PRPSAP1: variants seen among roughly 807,000 people sequenced by gnomAD.
PRPSAP1 encodes phosphoribosyl pyrophosphate synthetase associated protein 1.
In PRPSAP1, 31 loss-of-function variants were observed where a neutral mutation model predicts 39.4. That is an observed-to-expected ratio of 0.79 (90% CI 0.59 to 1.06). PRPSAP1 has a LOEUF of 1.06. Among genes scored for constraint, PRPSAP1 ranks in the 50% least tolerant of loss-of-function variants. PRPSAP1 has a pLI of 0.00. For missense variants in PRPSAP1, 430 were observed against 511.6 expected (o/e 0.84, Z 1.54); for synonymous variants, 212 against 192.6 (o/e 1.10, Z -0.83).
At chr17:76,343,362 G>A (rs2071460616) in intron 3 of PRPSAP1, among the ~76,000 whole-genome samples, 1 of 152,240 alleles carries the variant, frequency 6.6e-6, no homozygotes, top group Non-Finnish European at 1.5e-5. Context: ...CTGAAACAGA[G>A]ATAGGCTAGA....
At chr17:76,352,888 T>C (rs1047300053) in intron 1 of PRPSAP1, among the ~76,000 whole-genome samples, 3 of 152,110 alleles carry the variant, frequency 2.0e-5, no homozygotes, top group African/African-American at 7.2e-5. Flanking sequence ...ATCTCAGAGC[T>C]GTCAGACCCC....
intron 7 of PRPSAP1, among the ~76,000 whole-genome samples, chr17:76,319,695 C>T (rs570260815): frequency 4.6e-5 from 7 of 151,572 alleles, no homozygotes; most frequent in South Asian, 2.1e-4. Context: ...CCTCGTGATT[C>T]GCCCTCCTTG....
chr17:76,349,284 AC>A (rs1347664341), intron 1 of PRPSAP1, among the ~76,000 whole-genome samples: 1 of 151,878 alleles, frequency 6.6e-6, no homozygotes, highest in Admixed American at 6.6e-5. Context: ...CGCCTGGGTA[AC>A]AAGAGCAAAA....
chr17:76,345,799 C>T (rs1030120667), intron 2 of PRPSAP1: 5 of 334,908 alleles, frequency 1.5e-5, no homozygotes, highest in South Asian at 2.5e-5. Flanking sequence ...CACTGCATCC[C>T]GCTCCCAGTG....
At position 76,353,736 on chromosome 17, in the gene PRPSAP1, C is replaced by A; in HGVS notation, c.-33G>T. 1 of 1,430,584 alleles carries A rather than the reference C, an allele frequency of 7.0e-7. No individual in the cohort carries two copies. The allele number at this position is 1,430,584 out of a possible 1,614,324, so 88.6% of individuals were successfully genotyped here. ...CCCGCGGCGCGGTTACGACCGGCCCCGCGCGGGGCTGCACTCTGAGTGCTT... is the reference window on the plus strand; with the variant it reads ...CCCGCGGCGCGGTTACGACCGGCCCAGCGCGGGGCTGCACTCTGAGTGCTT... On this transcript the variant is annotated 5_prime_UTR_variant, in exon 1 of 10. Transcript: ENST00000446526.
At chr17:76,344,616 C>A (rs1430638828) in intron 3 of PRPSAP1, 55 bp downstream of exon 3, 5 of 1,321,198 alleles carry the variant, frequency 3.8e-6, no homozygotes, top group Non-Finnish European at 5.3e-6. Flanking sequence ...AAAAGATAAT[C>A]AATTATATTG....
chr17:76,330,287 G>A, intron 5 of PRPSAP1, 189 bp from the exon 6 acceptor site: 1 of 585,664 alleles, frequency 1.7e-6, no homozygotes. Flanking sequence ...CCTACGTCAA[G>A]AATTTTTTAA....
At chr17:76,320,759 GC>G (rs1381695337) in intron 7 of PRPSAP1, among the ~76,000 whole-genome samples, 14 of 149,988 alleles carry the variant, frequency 9.3e-5, no homozygotes, top group Non-Finnish European at 1.0e-4. Context: ...CCTGTGTCAA[GC>G]AAGTCTATGG....
chr17:76,342,932 T>G (rs1425922071), intron 3 of PRPSAP1, among the ~76,000 whole-genome samples: 1 of 151,468 alleles, frequency 6.6e-6, no homozygotes, highest in Non-Finnish European at 1.5e-5. Flanking sequence ...ACAAAAAAAT[T>G]ACCCGGGCAT....
chr17:76,345,272 G>T (rs1408525729), intron 2 of PRPSAP1, among the ~76,000 whole-genome samples: 1 of 122,056 alleles, frequency 8.2e-6, no homozygotes. Flanking sequence ...TTCGAGACCA[G>T]CCCGGCCAAT....
chr17:76,314,380 C>A (rs1348689829), intron 7 of PRPSAP1: 2 of 170,242 alleles, frequency 1.2e-5, no homozygotes, highest in Non-Finnish European at 2.5e-5. Flanking sequence ...CCACACCCAG[C>A]TGAGTTTTGT....
At position 76,348,544 on chromosome 17, in the gene PRPSAP1, G is replaced by A. The variant is rs752855446; in HGVS notation, c.208C>T (p.Gln70Ter). 3.3e-6 allele frequency: 5 copies of A among 1,504,870 alleles called. No individual in the cohort carries two copies. In the African/African-American group the frequency reaches 7.3e-5, roughly 22 times the overall value. 93.2% of individuals were successfully genotyped at this position (1,504,870 alleles called of 1,614,324 possible). ...TTTAACTTACCTCCATTGGTCTCTT[G>A]ATATACAACAGACTTCCCCAATTCA... is the stretch of plus-strand genomic sequence containing the variant. The part of the protein sequence containing the change: ...GAELGKSVVY[Q>*]ETNGETRVEI... The change falls in exon 2 of 10, where the codon CAA (glutamine) becomes TAA (stop). Residue 70 changes from glutamine (Q) to a stop codon, truncating the protein, a stop_gained. Transcript: ENST00000446526. LOFTEE classifies it high-confidence loss of function.
intron 1 of PRPSAP1, among the ~76,000 whole-genome samples, chr17:76,349,944 G>A (rs2071549649): frequency 6.6e-6 from 1 of 151,840 alleles, no homozygotes; most frequent in African/African-American, 2.4e-5. Context: ...AAATTAGCTG[G>A]GTGTGGTGGT....
At chr17:76,346,579 A>G (rs1402515641) in intron 2 of PRPSAP1, among the ~76,000 whole-genome samples, 3 of 152,146 alleles carry the variant, frequency 2.0e-5, no homozygotes, top group Non-Finnish European at 4.4e-5. Context: ...CCCTCAAAAG[A>G]GCAGTAGTTC....
In PRPSAP1 at chr17:76,311,535, G is replaced by C. The variant is rs369499551; in HGVS notation, c.*7C>G. 2 of 1,612,878 alleles carry C rather than the reference G, an allele frequency of 1.2e-6. No individual in the cohort carries two copies. The highest frequency in any genetic ancestry group is 1.7e-6 in the Non-Finnish European group (2 of 1,179,430). On this transcript the variant is annotated 3_prime_UTR_variant, in exon 10 of 10. Coordinates refer to ENST00000446526, the MANE Select transcript of PRPSAP1 (RefSeq NM_002766.3). ...CAGGAGGTCCAGGGTCGAGACCCTC[G>C]TGAAAGCTAGTCATCCACAGTGATG... is the stretch of plus-strand genomic sequence containing the variant.
At chr17:76,340,335 G>A (rs2071422462) in intron 3 of PRPSAP1, among the ~76,000 whole-genome samples, 1 of 151,576 alleles carries the variant, frequency 6.6e-6, no homozygotes, top group East Asian at 1.9e-4. Flanking sequence ...AACGGTAAGT[G>A]TTTCCCAATT....
chr17:76,313,205 T>G (rs924175262), intron 8 of PRPSAP1, 189 bp from the exon 9 acceptor site: 3 of 614,584 alleles, frequency 4.9e-6, no homozygotes, highest in Non-Finnish European at 7.7e-6. Flanking sequence ...GTACCTTGTG[T>G]GTCTGTCAGA....
intron 7 of PRPSAP1, among the ~76,000 whole-genome samples, chr17:76,323,740 C>T (rs575365927): frequency 2.6e-5 from 4 of 151,350 alleles, no homozygotes; most frequent in African/African-American, 4.9e-5. Context: ...GATGAATCTA[C>T]TGCTGAAGAT....
intron 5 of PRPSAP1, 197 bp downstream of exon 5, chr17:76,330,353 TA>T: frequency 1.7e-6 from 1 of 600,258 alleles, no homozygotes; most frequent in South Asian, 2.3e-5. Flanking sequence ...TAAAGATACG[TA>T]GAAAAAAAAT....
Sources: allele counts gnomAD v4.1 joint callset (sites outside exome capture counted in the v4.1 genomes callset), GRCh38; gene constraint gnomAD v4.1.1; transcripts MANE v1.5; gene names NCBI Gene and HGNC (gene_info 2026-07-23, HGNC 2026-07-21).